BTBD8: variants seen among roughly 807,000 people sequenced by gnomAD.
BTBD8 encodes BTB/POZ domain-containing protein 8.
In BTBD8, 110 loss-of-function variants were observed where a neutral mutation model predicts 162.9. That is an observed-to-expected ratio of 0.68 (90% CI 0.58 to 0.79). The LOEUF (loss-of-function observed/expected upper bound fraction) is 0.79, where lower values mean the gene tolerates loss of function less well. BTBD8 is among the 30% of genes least tolerant of loss of function. BTBD8 has a pLI of 0.00. For missense variants in BTBD8, 1,905 were observed against 2,085.4 expected (o/e 0.91, Z 1.68); for synonymous variants, 667 against 716.1 (o/e 0.93, Z 1.10).
chr1:92,111,024 C>G (rs1648877864), intron 4 of BTBD8, among the ~76,000 whole-genome samples: 1 of 150,242 alleles, frequency 6.7e-6, no homozygotes, highest in Non-Finnish European at 1.5e-5. Flanking sequence ...CAAAGTCTTG[C>G]TCTTTTGCCG....
Position 92,147,745 on chromosome 1 carries a change from GAGATTC to G in BTBD8, c.1085_1090del (p.Ile362_Gln363del). The G allele has an allele frequency of 1.9e-6, 3 of 1,613,532 alleles. 1 individual carries two copies. In the South Asian group the frequency reaches 3.3e-5, roughly 18 times the overall value. ...GAGAAGCTTTGCAAATATACCTCCT[GAGATTC>G]AGAAAAGTTGTCTTAATATGTTGAT... On this transcript the variant is annotated inframe_deletion, in exon 9 of 18. Transcript: ENST00000636805.
chr1:92,131,703 GAC>G (rs1346683676), intron 5 of BTBD8, among the ~76,000 whole-genome samples: 1 of 146,928 alleles, frequency 6.8e-6, no homozygotes, highest in East Asian at 2.0e-4. Context: ...CAGCCTGGGC[GAC>G]AGAGCGAGAC....
At chr1:92,168,119 T>C (rs1650432007) in intron 11 of BTBD8, 134 bp downstream of exon 11, 2 of 620,188 alleles carry the variant, frequency 3.2e-6, no homozygotes, top group Admixed American at 8.3e-5. Context: ...AGGTCTCTAC[T>C]TTTGTATATG....
At chr1:92,102,215 C>T (rs546981675) in intron 2 of BTBD8, among the ~76,000 whole-genome samples, 15 of 152,084 alleles carry the variant, frequency 9.9e-5, no homozygotes, top group East Asian at 5.8e-4. Context: ...GACAGGGTTT[C>T]GCCATGTTGG....
intron 6 of BTBD8, chr1:92,139,930 T>TA (rs1649728390): frequency 7.3e-4 from 2 of 2,732 alleles, no homozygotes; most frequent in Admixed American, 3.8e-3. Context: ...CTACTAAAAA[T>TA]ACAAAAAAAA....
intron 4 of BTBD8, among the ~76,000 whole-genome samples, chr1:92,118,731 C>T (rs1011231212): frequency 1.8e-4 from 27 of 151,132 alleles, no homozygotes; most frequent in Non-Finnish European, 1.6e-4. Context: ...TATTCAATCA[C>T]TTACATATAT....
At chr1:92,126,027 C>T in intron 4 of BTBD8, 4 of 474,620 alleles carry the variant, frequency 8.4e-6, no homozygotes, top group South Asian at 7.0e-5. Context: ...TAGAAGAATC[C>T]ATATGGGAAG....
Position 92,108,424 on chromosome 1 carries a change from T to G in BTBD8, c.662+423T>G, listed in dbSNP as rs147371439. ...CATTATAGTATTGAGAAGTATTATT[T>G]CTACATGAATGACATGTATTTTCTC... On this transcript the variant is annotated intron_variant, in intron 4 of 17. Coordinates refer to ENST00000636805, the MANE Select transcript of BTBD8 (RefSeq NM_001376131.1). Among the ~76,000 whole-genome samples the G allele has an allele frequency of 4.8e-3, 730 of 152,368 alleles. 5 individuals are homozygous for G. The highest frequency in any genetic ancestry group is 0.016 in the African/African-American group (668 of 41,594).
intron 7 of BTBD8, among the ~76,000 whole-genome samples, chr1:92,146,288 T>C (rs1438025220): frequency 6.6e-6 from 1 of 150,840 alleles, no homozygotes; most frequent in Non-Finnish European, 1.5e-5. Context: ...TAACAGACTT[T>C]AAAAAAAAAC....
intron 4 of BTBD8, among the ~76,000 whole-genome samples, chr1:92,127,796 A>T (rs1166285724): frequency 6.6e-6 from 1 of 151,930 alleles, no homozygotes; most frequent in African/African-American, 2.4e-5. Flanking sequence ...GCTGACTTCA[A>T]GTGATCCGCC....
intron 9 of BTBD8, among the ~76,000 whole-genome samples, chr1:92,150,056 A>G (rs1650011221): frequency 6.6e-6 from 1 of 152,206 alleles, no homozygotes; most frequent in Non-Finnish European, 1.5e-5. Context: ...AACTCCCTGT[A>G]ACAAATTTCT....
chr1:92,092,441 A>G (rs915978295), intron 2 of BTBD8, among the ~76,000 whole-genome samples: 1 of 151,458 alleles, frequency 6.6e-6, no homozygotes, highest in Admixed American at 6.6e-5. Flanking sequence ...GCTTGTGTGC[A>G]TACTTACTCT....
chr1:92,124,782 A>G (rs908507780), intron 4 of BTBD8, among the ~76,000 whole-genome samples: 1 of 152,224 alleles, frequency 6.6e-6, no homozygotes, highest in Non-Finnish European at 1.5e-5. Context: ...TTATTTGAGA[A>G]GATAGAATGG....
intron 3 of BTBD8, among the ~76,000 whole-genome samples, chr1:92,106,377 C>T (rs1648725786): frequency 6.6e-6 from 1 of 151,694 alleles, no homozygotes; most frequent in South Asian, 2.1e-4. Context: ...AAAGTGTACT[C>T]CTGCCAGGCG....
intron 4 of BTBD8, among the ~76,000 whole-genome samples, chr1:92,121,847 T>A (rs12063162): frequency 0.041 from 6,138 of 151,330 alleles, 431 homozygotes; most frequent in African/African-American, 0.14. Context: ...TTTTATTTTT[T>A]TTTTTTTGAG....
At chr1:92,097,973 A>G (rs1361634031) in intron 2 of BTBD8, among the ~76,000 whole-genome samples, 1 of 152,224 alleles carries the variant, frequency 6.6e-6, no homozygotes, top group East Asian at 1.9e-4. Flanking sequence ...ATGAGTTGTG[A>G]CAATGCTTCT....
rs1218442959 is a variant in BTBD8 at position 92,180,253 on chromosome 1, T to C, written c.2582-12T>C. The C allele has an allele frequency of 4.0e-6, 6 of 1,516,512 alleles. No homozygotes were observed. The highest frequency in any genetic ancestry group is 1.4e-5 in the African/African-American group (1 of 71,238). 93.9% of individuals were successfully genotyped at this position (1,516,512 alleles called of 1,614,324 possible). On this transcript the variant is annotated splice_polypyrimidine_tract_variant and intron_variant, in intron 16 of 17. Coordinates refer to ENST00000636805, the MANE Select transcript of BTBD8 (RefSeq NM_001376131.1). ...TATTACATTACTGAATATACCCTCT[T>C]ACTTTTCTTAGGATCCCAAGGAGAG...
chr1:92,183,744 T>TC, intron 17 of BTBD8, 120 bp from the exon 18 acceptor site: 1 of 564,286 alleles, frequency 1.8e-6, no homozygotes, highest in South Asian at 4.1e-5. Context: ...AAGTTATTTT[T>TC]CCCATTCTGT....
intron 12 of BTBD8, 122 bp from the exon 13 acceptor site, chr1:92,171,277 C>A: frequency 1.5e-6 from 1 of 670,988 alleles, no homozygotes; most frequent in African/African-American, 1.9e-5. Flanking sequence ...AGATTGGTTT[C>A]AGGTTTATTA....
Sources: allele counts gnomAD v4.1 joint callset (sites outside exome capture counted in the v4.1 genomes callset), GRCh38; gene constraint gnomAD v4.1.1; transcripts MANE v1.5; gene names NCBI Gene and HGNC (gene_info 2026-07-23, HGNC 2026-07-21).